SMIM31: variants seen among roughly 807,000 people sequenced by gnomAD.
The protein encoded by SMIM31 is small integral membrane protein 31.
At chr4:164,759,761 C>T (rs1287568818) in intron 1 of SMIM31, among the ~76,000 whole-genome samples, 1 of 152,132 alleles carries the variant, frequency 6.6e-6, no homozygotes, top group Non-Finnish European at 1.5e-5. Context: ...CTGTTCTAGG[C>T]TCAGCAAACA....
intron 1 of SMIM31, among the ~76,000 whole-genome samples, chr4:164,767,315 T>C (rs1177141891): frequency 6.6e-6 from 1 of 152,210 alleles, no homozygotes; most frequent in African/African-American, 2.4e-5. Flanking sequence ...AACCAGGCTT[T>C]AGTCACTAGT....
intron 2 of SMIM31, among the ~76,000 whole-genome samples, chr4:164,772,208 C>A (rs980524749): frequency 1.3e-5 from 2 of 152,218 alleles, no homozygotes; most frequent in African/African-American, 2.4e-5. Flanking sequence ...GCATCTCACA[C>A]GGCCAAAGCA....
intron 2 of SMIM31, among the ~76,000 whole-genome samples, chr4:164,778,273 A>G (rs1394666981): frequency 6.6e-6 from 1 of 152,196 alleles, no homozygotes; most frequent in African/African-American, 2.4e-5. Context: ...ACTCAAGAGT[A>G]GTGAGGCAAA....
chr4:164,780,764 A>G (rs1452378893), intron 2 of SMIM31, among the ~76,000 whole-genome samples: 1 of 152,190 alleles, frequency 6.6e-6, no homozygotes, highest in Non-Finnish European at 1.5e-5. Flanking sequence ...GGATACTACT[A>G]CACATCTATT....
At chr4:164,786,825 C>T (rs1042624792) in intron 2 of SMIM31, among the ~76,000 whole-genome samples, 2 of 152,226 alleles carry the variant, frequency 1.3e-5, no homozygotes, top group African/African-American at 4.8e-5. Context: ...TGCTTGATTT[C>T]ATCCAGATGG....
chr4:164,797,041 G>A (rs1733206585), intron 2 of SMIM31, among the ~76,000 whole-genome samples: 1 of 152,064 alleles, frequency 6.6e-6, no homozygotes, highest in Non-Finnish European at 1.5e-5. Flanking sequence ...CCTGCTTTAG[G>A]TTGTTCTACT....
At chr4:164,768,279 G>A (rs543477643) in intron 1 of SMIM31, among the ~76,000 whole-genome samples, 14 of 150,974 alleles carry the variant, frequency 9.3e-5, no homozygotes, top group African/African-American at 3.4e-4. Flanking sequence ...AGAAGAGAAA[G>A]AAAGAGAGGG....
In SMIM31 at chr4:164,772,587, T is replaced by TTTATTTA. The variant is rs577721221; in HGVS notation, c.112+2034_112+2035insATTTATT. The stretch of plus-strand genomic sequence containing the variant: ...TTTATTTTTTTTATTTTTATTTTAT[T>TTTATTTA]TTTTTTTTTGAGACGGAGTCTCGCT... On this transcript the variant is annotated intron_variant, in intron 2 of 2. Coordinates refer to ENST00000507311, the MANE Select transcript of SMIM31 (RefSeq NM_001352885.1). Among the ~76,000 whole-genome samples, 9 of 147,116 alleles carry TTTATTTA rather than the reference T, an allele frequency of 6.1e-5. No individual in the cohort carries two copies. In the East Asian group the frequency reaches 1.6e-3, roughly 26 times the overall value.
At chr4:164,767,189 C>T (rs1732731144) in intron 1 of SMIM31, among the ~76,000 whole-genome samples, 1 of 152,046 alleles carries the variant, frequency 6.6e-6, no homozygotes, top group East Asian at 1.9e-4. Context: ...AAGATCATTC[C>T]CTTCGTGATG....
chr4:164,800,221 C>CT lies in SMIM31; in HGVS notation c.113-859dup, dbSNP rs1012276113. 2.0e-3 allele frequency among the ~76,000 whole-genome samples: 290 copies of CT among 146,558 alleles called. 1 individual carries two copies. Among genetic ancestry groups the CT allele is most frequent in the African/African-American group, 4.3e-3 (171 of 40,178 alleles). ...GTGTTTAACTTATGTTTTTCTTTTTCTTTTTTTTTTTGACAAAGTCTCTCT... is the reference window on the plus strand; with the variant it reads ...GTGTTTAACTTATGTTTTTCTTTTTCTTTTTTTTTTTTGACAAAGTCTCTCT... On this transcript the variant is annotated intron_variant, in intron 2 of 2. Coordinates refer to ENST00000507311, the MANE Select transcript of SMIM31 (RefSeq NM_001352885.1).
At chr4:164,759,259 A>C (rs1329908196) in intron 1 of SMIM31, among the ~76,000 whole-genome samples, 1 of 151,942 alleles carries the variant, frequency 6.6e-6, no homozygotes, top group Non-Finnish European at 1.5e-5. Flanking sequence ...CTCTGCCTCT[A>C]TTTTCTGATT....
chr4:164,791,854 C>G (rs1733105747), intron 2 of SMIM31, among the ~76,000 whole-genome samples: 1 of 152,182 alleles, frequency 6.6e-6, no homozygotes, highest in African/African-American at 2.4e-5. Flanking sequence ...CCCTCCCACA[C>G]TCCCCACTTC....
intron 2 of SMIM31, among the ~76,000 whole-genome samples, chr4:164,796,965 G>A (rs544219580): frequency 1.0e-3 from 157 of 152,248 alleles, no homozygotes; most frequent in Non-Finnish European, 1.7e-3. Context: ...CTTCTTTTCC[G>A]TATCTGTCTC....
At chr4:164,793,600 G>C (rs995352843) in intron 2 of SMIM31, among the ~76,000 whole-genome samples, 44 of 152,150 alleles carry the variant, frequency 2.9e-4, no homozygotes, top group African/African-American at 1.0e-3. Context: ...CTATATCGCT[G>C]TTTGCTTACA....
intron 1 of SMIM31, among the ~76,000 whole-genome samples, chr4:164,763,866 T>A (rs1732683704): frequency 6.6e-6 from 1 of 152,174 alleles, no homozygotes; most frequent in Admixed American, 6.5e-5. Context: ...TATTTGCCAA[T>A]TATACCTCAA....
intron 1 of SMIM31, among the ~76,000 whole-genome samples, chr4:164,758,849 T>TTTTTTG (rs1732608070): frequency 8.1e-6 from 1 of 123,284 alleles, no homozygotes; most frequent in Non-Finnish European, 1.7e-5. Context: ...TTTGTATTTT[T>TTTTTTG]AGTAGAGACT....
intron 2 of SMIM31, among the ~76,000 whole-genome samples, chr4:164,772,575 T>TTTTTG (rs1732820126): frequency 2.7e-5 from 2 of 74,896 alleles, no homozygotes; most frequent in South Asian, 5.0e-4. Flanking sequence ...ATTTTTTTTA[T>TTTTTG]TTTTATTTTA....
intron 2 of SMIM31, among the ~76,000 whole-genome samples, chr4:164,783,748 C>G (rs1732991578): frequency 6.6e-6 from 1 of 151,966 alleles, no homozygotes; most frequent in South Asian, 2.1e-4. Context: ...GAGACCACAT[C>G]CCCCACCTCC....
At chr4:164,792,337 GTAATA>G in intron 2 of SMIM31, among the ~76,000 whole-genome samples, 1 of 152,314 alleles carries the variant, frequency 6.6e-6, no homozygotes, top group East Asian at 1.9e-4. Flanking sequence ...GTGTTCTGAA[GTAATA>G]TAATATCTAG....
Sources: allele counts gnomAD v4.1 joint callset (sites outside exome capture counted in the v4.1 genomes callset), GRCh38; gene constraint gnomAD v4.1.1; transcripts MANE v1.5; gene names NCBI Gene and HGNC (gene_info 2026-07-23, HGNC 2026-07-21).